GPX8: variants seen among roughly 807,000 people sequenced by gnomAD.
GPX8 encodes the protein protein peroxidase GPX8.
A neutral mutation model predicts 17.8 loss-of-function variants in GPX8; 12 were observed. That is an observed-to-expected ratio of 0.67 (90% confidence interval 0.43 to 1.09). GPX8 has a LOEUF of 1.09. Among genes scored for constraint, GPX8 ranks in the 50% least tolerant of loss-of-function variants. The probability of loss-of-function intolerance (pLI) is 0.00; values close to 1 mark genes in which losing one functional copy is unlikely to be tolerated. For synonymous variants in GPX8, 86 were observed against 88.1 expected, an observed-to-expected ratio of 0.98 and a Z score of 0.14; for missense variants, 209 against 235.6, an observed-to-expected ratio of 0.89 and a Z score of 0.74.
At position 55,164,209 on chromosome 5, in the gene GPX8, G is replaced by A; in HGVS notation, c.621G>A (p.Glu207=). The change falls in exon 3 of 3, where the codon GAG becomes GAA. Residue 207 remains glutamate, a synonymous_variant. Transcript: ENST00000503787. ...LVRQVIIKKK[E]DL is the part of the protein sequence containing the mutation. ...GACAAGTGATCATAAAAAAGAAAGA[G>A]GATCTATGAGAATGCCATTGCGTTT... 1 of 1,536,948 alleles carries A rather than the reference G, an allele frequency of 6.5e-7. No individual in the cohort carries two copies. The highest frequency in any genetic ancestry group is 8.8e-7 in the Non-Finnish European group (1 of 1,135,016).
chr5:55,164,794 TTTTTTC>T lies in GPX8; in HGVS notation c.*582_*587del, dbSNP rs1490791402. On this transcript the variant is annotated 3_prime_UTR_variant, in exon 3 of 3. Coordinates refer to ENST00000503787, the MANE Select transcript of GPX8 (RefSeq NM_001008397.4). ...TGCTTGTTTTGTGTACAGGATTTTG[TTTTTTC>T]TTTTTAAGTACAGGTTCCTAGTGTT... 6.6e-6 allele frequency: 1 copy of T among 152,206 alleles called. No individual in the cohort carries two copies. The highest frequency in any genetic ancestry group is 1.5e-5 in the Non-Finnish European group (1 of 68,046). 9.4% of individuals were successfully genotyped at this position (152,206 alleles called of 1,614,324 possible). A position where few individuals can be genotyped will look rare whatever the true frequency, so the allele number is the denominator to read the frequency against.
intron 2 of GPX8, among the ~76,000 whole-genome samples, chr5:55,162,693 G>A (rs1482637558): frequency 6.6e-6 from 1 of 152,244 alleles, no homozygotes; most frequent in Non-Finnish European, 1.5e-5. Flanking sequence ...GGTCCACTGA[G>A]GAAAGAAAAG....
At chr5:55,161,770 G>A (rs1377243929) in intron 2 of GPX8, among the ~76,000 whole-genome samples, 1 of 152,012 alleles carries the variant, frequency 6.6e-6, no homozygotes, top group Non-Finnish European at 1.5e-5. Flanking sequence ...TTTTTCAGAG[G>A]GCAGTAGTGT....
In GPX8 at chr5:55,165,369, A is replaced by G. The variant is rs1480218030; in HGVS notation, c.*1151A>G. On this transcript the variant is annotated 3_prime_UTR_variant, in exon 3 of 3. Transcript: ENST00000503787. Reference sequence around the variant, plus strand: ...TTATTGCCTCATGAAATATACATTCATCGCATAAAAGAATTAAATAGGAAG... The same window carrying G: ...TTATTGCCTCATGAAATATACATTCGTCGCATAAAAGAATTAAATAGGAAG... 2 of 152,234 alleles carry G rather than the reference A, an allele frequency of 1.3e-5. No homozygotes were observed. The highest frequency in any genetic ancestry group is 3.8e-4 in the East Asian group (2 of 5,202). 9.4% of individuals were successfully genotyped at this position (152,234 alleles called of 1,614,324 possible). A position where few individuals can be genotyped will look rare whatever the true frequency, so the allele number is the denominator to read the frequency against.
At chr5:55,163,179 T>C (rs1744182094) in intron 2 of GPX8, among the ~76,000 whole-genome samples, 1 of 152,058 alleles carries the variant, frequency 6.6e-6, no homozygotes. Flanking sequence ...TTGAGTGGTA[T>C]AAATAGAAAA....
intron 2 of GPX8, among the ~76,000 whole-genome samples, chr5:55,162,082 A>T (rs909546683): frequency 7.7e-6 from 1 of 130,588 alleles, no homozygotes; most frequent in Non-Finnish European, 1.6e-5. Context: ...GTTCTAAACC[A>T]TATTAGTCAA....
In GPX8 at chr5:55,161,087, C is replaced by T. The variant is rs767177389; in HGVS notation, c.298C>T (p.His100Tyr). Reference sequence around the variant, plus strand: ...ACTGCACAAAGAGTTTGGACCATCCCACTTCAGCGTGTTGGCTTTTCCCTG... The same window carrying T: ...ACTGCACAAAGAGTTTGGACCATCCTACTTCAGCGTGTTGGCTTTTCCCTG... ...KELHKEFGPS[H>Y]FSVLAFPCNQ... is the part of the protein sequence containing the mutation. The change falls in exon 2 of 3, where the codon CAC (histidine) becomes TAC (tyrosine). Residue 100 changes from histidine to tyrosine, a missense_variant. By Grantham distance (83) the His-to-Tyr change is moderately conservative. Coordinates refer to ENST00000503787, the MANE Select transcript of GPX8 (RefSeq NM_001008397.4). 4 of 1,614,192 alleles carry T rather than the reference C, an allele frequency of 2.5e-6. No individual in the cohort carries two copies. The highest frequency in any genetic ancestry group is 1.3e-5 in the African/African-American group (1 of 75,056).
In GPX8 at chr5:55,167,138, A is replaced by G. The variant is rs1465983041; in HGVS notation, c.*2920A>G. 6.6e-6 allele frequency: 1 copy of G among 152,166 alleles called. No homozygotes were observed. Among genetic ancestry groups the G allele is most frequent in the Non-Finnish European group, 1.5e-5 (1 of 68,026 alleles). The allele number at this position is 152,166 out of a possible 1,614,324, so 9.4% of individuals were successfully genotyped here. On this transcript the variant is annotated 3_prime_UTR_variant, in exon 3 of 3. Transcript: ENST00000503787. ...TGAAAAAGGAAAAGGACAAAATCAA[A>G]TGCATTTTAACTGTGGTAACTAATT... is the stretch of plus-strand genomic sequence containing the variant.
rs1274762507 is a variant in GPX8 at position 55,164,255 on chromosome 5, C to T, written c.*37C>T. ...CGTTTCTAATAGAACAGAGAAATGT[C>T]TCCATGAGGGTTTGGTCTCATTTTA... On this transcript the variant is annotated 3_prime_UTR_variant, in exon 3 of 3. Transcript: ENST00000503787. 1 of 1,431,754 alleles carries T rather than the reference C, an allele frequency of 7.0e-7. No individual in the cohort carries two copies. Among genetic ancestry groups the T allele is most frequent in the African/African-American group, 1.4e-5 (1 of 69,880 alleles). The allele number at this position is 1,431,754 out of a possible 1,614,324, so 88.7% of individuals were successfully genotyped here.
rs533959693 is a variant in GPX8 at position 55,167,295 on chromosome 5, A to C, written c.*3077A>C. Among the ~76,000 whole-genome samples the C allele has an allele frequency of 3.3e-5, 5 of 152,254 alleles. No homozygotes were observed. Among genetic ancestry groups the C allele is most frequent in the Non-Finnish European group, 5.9e-5 (4 of 68,046 alleles). On this transcript the variant is annotated 3_prime_UTR_variant, in exon 3 of 3. Coordinates refer to ENST00000503787, the MANE Select transcript of GPX8 (RefSeq NM_001008397.4). ...ACTGGAATAAATATGAATTTGGCTG[A>C]AATGTGCCCTGAAAGTTGTATTTCA...
intron 2 of GPX8, among the ~76,000 whole-genome samples, chr5:55,163,680 G>T (rs1030490721): frequency 1.3e-5 from 2 of 151,396 alleles, no homozygotes; most frequent in Admixed American, 6.6e-5. Flanking sequence ...CTAATTTTTT[G>T]TATTTTTAGT....
chr5:55,160,443 C>CT (rs772452868), intron 1 of GPX8, 47 bp downstream of exon 1: 1 of 1,457,062 alleles, frequency 6.9e-7, no homozygotes, highest in Admixed American at 1.8e-5. Flanking sequence ...TTCCTTGTCT[C>CT]TGTTTATTCC....
Position 55,167,106 on chromosome 5 carries a change from G to A in GPX8, c.*2888G>A, listed in dbSNP as rs12657420. The A allele has an allele frequency of 0.09, 13,668 of 152,142 alleles. 747 individuals carry two copies. Among genetic ancestry groups the A allele is most frequent in the East Asian group, 0.26 (1,338 of 5,170 alleles). The allele number at this position is 152,142 out of a possible 1,614,324, so 9.4% of individuals were successfully genotyped here. ...TCACATGAAAGAGTATTCAGCTGTC[G>A]TTCTTGTGAAAAAGGAAAAGGACAA... On this transcript the variant is annotated 3_prime_UTR_variant, in exon 3 of 3. Transcript: ENST00000503787.
At chr5:55,162,049 C>T (rs1187905961) in intron 2 of GPX8, among the ~76,000 whole-genome samples, 3 of 145,018 alleles carry the variant, frequency 2.1e-5, no homozygotes, top group South Asian at 2.2e-4. Context: ...TACTTATACA[C>T]TGCTTGCTCT....
At position 55,161,201 on chromosome 5, in the gene GPX8, C is replaced by T. The variant is rs2111943279; in HGVS notation, c.412C>T (p.His138Tyr). 1 of 1,614,138 alleles carries T rather than the reference C, an allele frequency of 6.2e-7. No individual in the cohort carries two copies. The highest frequency in any genetic ancestry group is 2.2e-5 in the East Asian group (1 of 44,888). ...CTACGGAGTAACTTTCCCCATCTTCCACAAGATTAAGATTCTAGGATCTGA... is the reference window on the plus strand; with the variant it reads ...CTACGGAGTAACTTTCCCCATCTTCTACAAGATTAAGATTCTAGGATCTGA... The part of the protein sequence containing the change: ...KNYGVTFPIF[H>Y]KIKILGSEGE... The change falls in exon 2 of 3, where the codon CAC (histidine) becomes TAC (tyrosine). Residue 138 changes from histidine to tyrosine, a missense_variant. Physicochemically the swap from His to Tyr is moderately conservative, Grantham distance 83. Transcript: ENST00000503787.
intron 1 of GPX8, 106 bp downstream of exon 1, chr5:55,160,502 TAGTCTTCAGAGTAA>T: frequency 1.3e-6 from 1 of 789,956 alleles, no homozygotes; most frequent in Non-Finnish European, 2.1e-6. Context: ...AGTTGGAATT[TAGTCTTCAGAGTAA>T]TGGTATTAGT....
chr5:55,160,200 C>G lies in GPX8; in HGVS notation c.8C>G (p.Pro3Arg), dbSNP rs1743960018. ...CCTCTAGAATCCTCCAACATGGAGC[C>G]TCTTGCAGCTTACCCGCTAAAATGT... ME[P>R]LAAYPLKCSG... The change falls in exon 1 of 3, where the codon CCT becomes CGT. Residue 3 changes from proline (P) to arginine (R), a missense_variant. By Grantham distance (103) the Pro-to-Arg change is moderately radical (BLOSUM62 -2). Coordinates refer to ENST00000503787, the MANE Select transcript of GPX8 (RefSeq NM_001008397.4). 6.2e-7 allele frequency: 1 copy of G among 1,613,564 alleles called. No individual in the cohort carries two copies. Among genetic ancestry groups the G allele is most frequent in the Admixed American group, 1.7e-5 (1 of 59,990 alleles).
chr5:55,164,215 A>T lies in GPX8; in HGVS notation c.627A>T (p.Leu209=), dbSNP rs1182916296. The change falls in exon 3 of 3, where the codon CTA becomes CTT. Residue 209 remains leucine, a synonymous_variant. Transcript: ENST00000503787. The part of the protein sequence containing the change: ...RQVIIKKKED[L] ...TGATCATAAAAAAGAAAGAGGATCT[A>T]TGAGAATGCCATTGCGTTTCTAATA... is the stretch of plus-strand genomic sequence containing the variant. 1.3e-6 allele frequency: 2 copies of T among 1,536,022 alleles called. No homozygotes were observed. The highest frequency in any genetic ancestry group is 4.6e-5 in the East Asian group (2 of 43,804).
intron 2 of GPX8, among the ~76,000 whole-genome samples, chr5:55,161,648 C>T (rs183106727): frequency 1.3e-5 from 2 of 152,320 alleles, no homozygotes; most frequent in South Asian, 2.1e-4. Context: ...TATTAGTTAA[C>T]ATATGTTTGT....
Sources: gnomAD v4.1 joint callset for allele counts (sites outside exome capture counted in the v4.1 genomes callset) on GRCh38, gnomAD v4.1.1 for gene constraint, MANE v1.5 for transcripts, NCBI Gene and HGNC (gene_info 2026-07-23, HGNC 2026-07-21) for gene names.